Variants in SLC10A7 observed in about 807,000 individuals in gnomAD.
SLC10A7 encodes the protein sodium/bile acid cotransporter 7.
Under a neutral mutation model 43.2 loss-of-function variants are expected in SLC10A7, and 29 were observed. That is an observed-to-expected ratio of 0.67 (90% CI 0.50 to 0.92). The LOEUF is 0.92. SLC10A7 is among the 40% of genes least tolerant of loss of function. The pLI is 0.00. For missense variants in SLC10A7, 295 were observed against 403.2 expected (o/e 0.73, Z 2.30); for synonymous variants, 152 against 144.8 (o/e 1.05, Z -0.35).
intron 4 of SLC10A7, among the ~76,000 whole-genome samples, chr4:146,451,608 A>G (rs957258019): frequency 3.3e-5 from 5 of 152,208 alleles, no homozygotes; most frequent in African/African-American, 9.6e-5. Context: ...CACCACATCA[A>G]TAGAATGAGG....
At chr4:146,484,997 G>A (rs1342295725) in intron 4 of SLC10A7, among the ~76,000 whole-genome samples, 1 of 152,186 alleles carries the variant, frequency 6.6e-6, no homozygotes, top group Non-Finnish European at 1.5e-5. Flanking sequence ...AGAGTCAAAT[G>A]TGGGGACCAG....
At chr4:146,477,227 C>T (rs1052177409) in intron 4 of SLC10A7, among the ~76,000 whole-genome samples, 13 of 152,266 alleles carry the variant, frequency 8.5e-5, no homozygotes, top group East Asian at 1.9e-4. Flanking sequence ...CTAAAGAATG[C>T]GTTGTAGCGC....
chr4:146,300,709 T>C (rs1731101377), intron 7 of SLC10A7, among the ~76,000 whole-genome samples: 1 of 152,226 alleles, frequency 6.6e-6, no homozygotes, highest in Non-Finnish European at 1.5e-5. Flanking sequence ...GTTAGAAATA[T>C]GGCTTTTCTT....
intron 4 of SLC10A7, among the ~76,000 whole-genome samples, chr4:146,491,875 T>C (rs952594324): frequency 6.6e-6 from 1 of 152,174 alleles, no homozygotes; most frequent in Non-Finnish European, 1.5e-5. Flanking sequence ...AATAATCTGC[T>C]TGAAAATCTC....
chr4:146,442,881 C>T, intron 4 of SLC10A7, 60 bp from the exon 5 acceptor site: 1 of 1,151,162 alleles, frequency 8.7e-7, no homozygotes, highest in South Asian at 1.4e-5. Context: ...ATAATAAAGC[C>T]AAAGATTATC....
intron 5 of SLC10A7, chr4:146,408,508 C>T (rs1043150738): frequency 1.3e-5 from 2 of 151,814 alleles, no homozygotes; most frequent in African/African-American, 4.8e-5. Context: ...TCTCAAAAAA[C>T]AAAACAAAAC....
Position 146,503,969 on chromosome 4 carries a change from TAGAC to T in SLC10A7, c.321-49_321-46del, listed in dbSNP as rs1193694686. The T allele has an allele frequency of 6.0e-6, 9 of 1,499,152 alleles. No homozygotes were observed. In the East Asian group the frequency reaches 1.6e-4, roughly 27 times the overall value. The allele number at this position is 1,499,152 out of a possible 1,614,324, so 92.9% of individuals were successfully genotyped here. A position where few individuals can be genotyped will look rare whatever the true frequency, so the allele number is the denominator to read the frequency against. ...CCAACTATAAATAATTTTATAATCA[TAGAC>T]AGCTTTCACTACATTCATTCTAAAA... On this transcript the variant is annotated intron_variant, in intron 3 of 11. Transcript: ENST00000335472.
intron 4 of SLC10A7, among the ~76,000 whole-genome samples, chr4:146,501,048 CT>C (rs1485869139): frequency 6.6e-6 from 1 of 152,182 alleles, no homozygotes; most frequent in Non-Finnish European, 1.5e-5. Context: ...ATTATTGCTG[CT>C]TTCTCTGTTG....
At chr4:146,350,973 G>A (rs1251948973) in intron 5 of SLC10A7, among the ~76,000 whole-genome samples, 2 of 149,780 alleles carry the variant, frequency 1.3e-5, no homozygotes, top group Non-Finnish European at 1.5e-5. Flanking sequence ...AACGCAGAGC[G>A]CCTCTCCTCC....
intron 4 of SLC10A7, among the ~76,000 whole-genome samples, chr4:146,474,379 C>T (rs1408968810): frequency 2.0e-5 from 3 of 152,118 alleles, no homozygotes; most frequent in East Asian, 1.9e-4. Flanking sequence ...AAATGTAATG[C>T]ATCTTCCAAG....
intron 4 of SLC10A7, among the ~76,000 whole-genome samples, chr4:146,468,018 G>A (rs1004344515): frequency 6.6e-6 from 1 of 152,140 alleles, no homozygotes; most frequent in Non-Finnish European, 1.5e-5. Context: ...AATTTACCAT[G>A]TGAAACAGCC....
intron 5 of SLC10A7, among the ~76,000 whole-genome samples, chr4:146,370,638 C>T (rs953937786): frequency 2.0e-5 from 3 of 152,100 alleles, no homozygotes; most frequent in Admixed American, 6.6e-5. Context: ...AAACAAATAC[C>T]GGCATTCAGC....
chr4:146,375,093 C>G (rs1267835097), intron 5 of SLC10A7, among the ~76,000 whole-genome samples: 1 of 152,136 alleles, frequency 6.6e-6, no homozygotes, highest in African/African-American at 2.4e-5. Context: ...GTAATCCTAG[C>G]TACTCAGGAG....
chr4:146,485,618 T>A (rs750493346), intron 4 of SLC10A7, among the ~76,000 whole-genome samples: 2 of 152,158 alleles, frequency 1.3e-5, no homozygotes, highest in Non-Finnish European at 1.5e-5. Flanking sequence ...TATGACGGCT[T>A]CTGGAAGAAG....
chr4:146,410,077 C>T (rs990380047), intron 5 of SLC10A7, among the ~76,000 whole-genome samples: 7 of 152,070 alleles, frequency 4.6e-5, no homozygotes, highest in Admixed American at 6.6e-5. Flanking sequence ...ATTATATCAT[C>T]TGATTCTCAC....
Position 146,377,630 on chromosome 4 carries a change from A to C in SLC10A7, c.436-51634T>G, listed in dbSNP as rs919466381. ...AGGGACCCAGAACCAAAGACCATAT[A>C]TTAGAACAAAAGAGTCTCCTATCAC... On this transcript the variant is annotated intron_variant, in intron 5 of 11. Coordinates refer to ENST00000335472, the MANE Select transcript of SLC10A7 (RefSeq NM_001029998.6). 2.0e-5 allele frequency among the ~76,000 whole-genome samples: 3 copies of C among 152,344 alleles called. No homozygotes were observed. The East Asian group carries it at 5.8e-4, about 29-fold the overall frequency.
At chr4:146,274,463 C>G (rs1008653921) in intron 10 of SLC10A7, among the ~76,000 whole-genome samples, 2 of 152,074 alleles carry the variant, frequency 1.3e-5, no homozygotes, top group African/African-American at 4.8e-5. Context: ...CTCCGCCCCC[C>G]AAAGTTCTGG....
At chr4:146,311,276 A>G (rs1731959966) in intron 6 of SLC10A7, among the ~76,000 whole-genome samples, 1 of 152,200 alleles carries the variant, frequency 6.6e-6, no homozygotes, top group Non-Finnish European at 1.5e-5. Flanking sequence ...CAGGCTTAGA[A>G]AGACAAATAG....
Position 146,318,948 on chromosome 4 carries a change from C to T in SLC10A7, c.471+7013G>A, listed in dbSNP as rs371840412. Among the ~76,000 whole-genome samples, 62 of 152,186 alleles carry T rather than the reference C, an allele frequency of 4.1e-4. 1 individual carries two copies. In the South Asian group the frequency reaches 0.012, roughly 29 times the overall value. On this transcript the variant is annotated intron_variant, in intron 6 of 11. Coordinates refer to ENST00000335472, the MANE Select transcript of SLC10A7 (RefSeq NM_001029998.6). Reference sequence around the variant, plus strand: ...ATCAGATTTACTCAACCACTCTGGTCCAAGCTAACAGGATCACTTGCCATA... The same window carrying T: ...ATCAGATTTACTCAACCACTCTGGTTCAAGCTAACAGGATCACTTGCCATA...
Sources: gnomAD v4.1 joint callset for allele counts (sites outside exome capture counted in the v4.1 genomes callset) on GRCh38, gnomAD v4.1.1 for gene constraint, MANE v1.5 for transcripts, NCBI Gene and HGNC (gene_info 2026-07-23, HGNC 2026-07-21) for gene names.